Variants in BRAP observed in about 807,000 individuals in gnomAD.
BRAP encodes the protein BRCA1 associated protein.
A neutral mutation model predicts 73.4 loss-of-function variants in BRAP; 42 were observed. That is an observed-to-expected ratio of 0.57 (90% CI 0.45 to 0.74). The LOEUF (loss-of-function observed/expected upper bound fraction) is 0.74, where lower values mean the gene tolerates loss of function less well. Among genes scored for constraint, BRAP ranks in the 30% least tolerant of loss-of-function variants. The pLI is 0.00. For missense variants in BRAP, 593 were observed against 751.4 expected (o/e 0.79, Z 2.46); for synonymous variants, 255 against 267.4 (o/e 0.95, Z 0.45).
intron 1 of BRAP, among the ~76,000 whole-genome samples, chr12:111,684,694 C>T (rs1294364243): frequency 6.7e-6 from 1 of 149,838 alleles, no homozygotes; most frequent in Non-Finnish European, 1.5e-5. Context: ...TTGAAATGGA[C>T]TTTATCTCTT....
intron 5 of BRAP, chr12:111,669,859 T>C: frequency 1.6e-6 from 1 of 643,530 alleles, no homozygotes; most frequent in Non-Finnish European, 2.7e-6. Flanking sequence ...TTTAATTGTC[T>C]TGGTCATTGA....
At chr12:111,645,220 C>T (rs1429046817) in intron 11 of BRAP, among the ~76,000 whole-genome samples, 1 of 152,090 alleles carries the variant, frequency 6.6e-6, no homozygotes, top group African/African-American at 2.4e-5. Context: ...AGGTGCCTGC[C>T]ACTGTGCCCA....
Position 111,644,561 on chromosome 12 carries a change from A to G in BRAP, c.1417T>C (p.Cys473Arg). 6.2e-7 allele frequency: 1 copy of G among 1,608,130 alleles called. No homozygotes were observed. The highest frequency in any genetic ancestry group is 8.5e-7 in the Non-Finnish European group (1 of 1,175,506). ...LKEKQSVERK[C>R]TQLNTKVAKL... is the part of the protein sequence containing the mutation. ...GCCACTTTTGTGTTTAGCTGAGTGC[A>G]CCTTTTGAAAAACAAAGGAAGACAA... Residue 473 changes from cysteine (C) to arginine (R), a missense_variant and splice_region_variant, in exon 12 of 12, where the codon TGC (cysteine) becomes CGC (arginine). Around this residue, in one of 4 missense-constraint regions of BRAP, gnomAD observed 143 missense variants for 190.4 expected, o/e 0.75. Coordinates refer to ENST00000419234, the MANE Select transcript of BRAP (RefSeq NM_006768.5).
At chr12:111,678,909 G>A (rs1184033167) in intron 4 of BRAP, among the ~76,000 whole-genome samples, 1 of 151,036 alleles carries the variant, frequency 6.6e-6, no homozygotes, top group African/African-American at 2.4e-5. Context: ...ATTGCTTGAG[G>A]CCAAGAGTAG....
chr12:111,685,642 G>A, intron 1 of BRAP, 69 bp downstream of exon 1: 2 of 1,518,630 alleles, frequency 1.3e-6, no homozygotes, highest in Non-Finnish European at 1.8e-6. Context: ...CCGGGCCAGT[G>A]CTTTGGGAAG....
chr12:111,651,778 C>T (rs1460653708), intron 10 of BRAP, among the ~76,000 whole-genome samples: 3 of 150,378 alleles, frequency 2.0e-5, no homozygotes, highest in Non-Finnish European at 4.4e-5. Flanking sequence ...GCTGGGACTA[C>T]AGGTGCATGC....
Position 111,665,851 on chromosome 12 carries a change from T to C in BRAP, c.748-64A>G, listed in dbSNP as rs1185613758. Reference sequence around the variant, plus strand: ...ACCAGCAATACTTTATTTTTCCTTCTTTTTTCTGAGACAGGGTCTCGCTCT... The same window carrying C: ...ACCAGCAATACTTTATTTTTCCTTCCTTTTTCTGAGACAGGGTCTCGCTCT... On this transcript the variant is annotated intron_variant, in intron 5 of 11. Coordinates refer to ENST00000419234, the MANE Select transcript of BRAP (RefSeq NM_006768.5). This position sits in a 1 kb window ranked among gnomAD's most constrained non-coding sequence, Gnocchi z 4.3. 2 of 1,599,200 alleles carry C rather than the reference T, an allele frequency of 1.3e-6. No homozygotes were observed. The highest frequency in any genetic ancestry group is 1.7e-6 in the Non-Finnish European group (2 of 1,168,844).
chr12:111,653,986 G>A (rs1225732628), intron 10 of BRAP, among the ~76,000 whole-genome samples: 1 of 152,226 alleles, frequency 6.6e-6, no homozygotes, highest in Non-Finnish European at 1.5e-5. Context: ...AGAGGGCAGA[G>A]AGAATCCTGA....
At chr12:111,668,643 TTC>T (rs1392979882) in intron 5 of BRAP, among the ~76,000 whole-genome samples, 9 of 151,076 alleles carry the variant, frequency 6.0e-5, no homozygotes, top group South Asian at 4.2e-4. Flanking sequence ...TTAAAAAGAA[TTC>T]TTTTTTTTTT....
intron 9 of BRAP, among the ~76,000 whole-genome samples, chr12:111,657,675 C>A (rs1048559242): frequency 3.3e-5 from 5 of 151,996 alleles, no homozygotes; most frequent in Non-Finnish European, 7.4e-5. Flanking sequence ...GTCAGGAGAT[C>A]GAGACCACCC....
At chr12:111,662,593 A>G (rs1344493108) in intron 6 of BRAP, among the ~76,000 whole-genome samples, 1 of 152,162 alleles carries the variant, frequency 6.6e-6, no homozygotes, top group Non-Finnish European at 1.5e-5. Context: ...AACTAAGTAA[A>G]TAAAACCAAG....
rs1159212579 is a variant in BRAP, at chr12:111,668,666, G to GT, written c.748-2880dup. ...AATTCTTTTTTTTTTTTTTTAATTT[G>GT]TTTTTTTTGAGACAGAGTCTCGCTC... On this transcript the variant is annotated intron_variant, in intron 5 of 11. Transcript: ENST00000419234. Among the ~76,000 whole-genome samples the GT allele has an allele frequency of 1.5e-3, 201 of 137,486 alleles. 1 individual carries two copies. The highest frequency in any genetic ancestry group is 9.4e-4 in the South Asian group (4 of 4,254). The allele number at this position is 137,486 out of a possible 152,430, so 90.2% of individuals were successfully genotyped here.
At position 111,644,082 on chromosome 12, in the gene BRAP, T is replaced by C; in HGVS notation, c.*117A>G. 2 of 1,414,326 alleles carry C rather than the reference T, an allele frequency of 1.4e-6. No homozygotes were observed. The highest frequency in any genetic ancestry group is 2.4e-5 in the Admixed American group (1 of 40,828). 87.6% of individuals were successfully genotyped at this position (1,414,326 alleles called of 1,614,324 possible). A position where few individuals can be genotyped will look rare whatever the true frequency, so the allele number is the denominator to read the frequency against. On this transcript the variant is annotated 3_prime_UTR_variant, in exon 12 of 12. Transcript: ENST00000419234. ...CTAGCAAATGAAAGAGCCAAACAAC[T>C]GTGGCTTGATCCTCACTTGTACTTA...
intron 6 of BRAP, among the ~76,000 whole-genome samples, chr12:111,661,356 T>C (rs1262702968): frequency 1.3e-5 from 2 of 150,366 alleles, no homozygotes; most frequent in African/African-American, 2.5e-5. Flanking sequence ...ATCAGCTCAC[T>C]GCAACCTCAG....
At chr12:111,662,471 A>G (rs1201255862) in intron 6 of BRAP, among the ~76,000 whole-genome samples, 1 of 151,826 alleles carries the variant, frequency 6.6e-6, no homozygotes, top group African/African-American at 2.4e-5. Flanking sequence ...AATCGCTTGA[A>G]CCCAGGAGGC....
chr12:111,644,900 G>T (rs915865118), intron 11 of BRAP, among the ~76,000 whole-genome samples: 1 of 151,672 alleles, frequency 6.6e-6, no homozygotes, highest in Non-Finnish European at 1.5e-5. Flanking sequence ...GGGATTACAG[G>T]CACCTGCCAC....
intron 9 of BRAP, among the ~76,000 whole-genome samples, chr12:111,657,695 C>A (rs914434000): frequency 1.3e-5 from 2 of 151,990 alleles, no homozygotes; most frequent in Non-Finnish European, 2.9e-5. Flanking sequence ...CTGGTTAACA[C>A]AGTGAAACCT....
chr12:111,651,038 G>A (rs976905023), intron 10 of BRAP, among the ~76,000 whole-genome samples: 1 of 152,056 alleles, frequency 6.6e-6, no homozygotes, highest in Non-Finnish European at 1.5e-5. Flanking sequence ...CAACTCCACT[G>A]GTCTAAGGAC....
intron 1 of BRAP, among the ~76,000 whole-genome samples, chr12:111,684,947 G>T (rs1887751528): frequency 6.6e-6 from 1 of 152,192 alleles, no homozygotes; most frequent in Non-Finnish European, 1.5e-5. Context: ...AGGATTACAG[G>T]CGTGAGCCAC....
Sources: gnomAD v4.1 joint callset for allele counts (sites outside exome capture counted in the v4.1 genomes callset) on GRCh38, gnomAD v4.1.1 for gene constraint, gnomAD v4.1.1 regional missense constraint, Gnocchi (gnomAD v3.1) non-coding constraint, MANE v1.5 for transcripts, NCBI Gene and HGNC (gene_info 2026-07-23, HGNC 2026-07-21) for gene names.